Variants in IRS1 observed in about 807,000 individuals in gnomAD.
IRS1 encodes the protein insulin receptor substrate 1.
Under a neutral mutation model 65.6 loss-of-function variants are expected in IRS1, and 34 were observed. The observed-to-expected ratio is 0.52, with a 90% CI of 0.39 to 0.69. The LOEUF (loss-of-function observed/expected upper bound fraction) is 0.69. IRS1 is among the 30% of genes least tolerant of loss of function. The probability of loss-of-function intolerance (pLI) is 0.00; values close to 1 mark genes in which losing one functional copy is unlikely to be tolerated. For synonymous variants in IRS1, 699 were observed against 683.5 expected (o/e 1.02, Z -0.35); for missense variants, 1,641 against 1,720.2 (o/e 0.95, Z 0.81).
chr2:226,762,294 TAGAC>T (rs1287412747), intron 1 of IRS1, among the ~76,000 whole-genome samples: 3 of 147,150 alleles, frequency 2.0e-5, no homozygotes, highest in Admixed American at 1.4e-4. Flanking sequence ...TGACAATTAA[TAGAC>T]AGACAGCTCA....
rs1559159029 is a variant in IRS1, at chr2:226,796,118, GC to G, written c.2620del (p.Ala874ProfsTer69). 2 of 1,613,670 alleles carry G rather than the reference GC, an allele frequency of 1.2e-6. No homozygotes were observed. The highest frequency in any genetic ancestry group is 1.7e-6 in the Non-Finnish European group (2 of 1,180,004). The part of the protein sequence containing the change: ...GDPKASTLPR[A>X]REQQQQQQPL... Reference sequence around the variant, plus strand: ...CTGCTGCTGCTGCTGCTGCTCTCGGGCCCGAGGTAAGGTGCTGGCCTTGGGA... The same window carrying G: ...CTGCTGCTGCTGCTGCTGCTCTCGGGCCGAGGTAAGGTGCTGGCCTTGGGA... On this transcript the variant is annotated frameshift_variant, in exon 1 of 2. Transcript: ENST00000305123. LOFTEE classifies it high-confidence loss of function.
chr2:226,743,762 G>C (rs1938486863), intron 1 of IRS1, among the ~76,000 whole-genome samples: 1 of 152,034 alleles, frequency 6.6e-6, no homozygotes, highest in Admixed American at 6.5e-5. Context: ...GTTTGTAATG[G>C]TCAGATTACA....
intron 1 of IRS1, among the ~76,000 whole-genome samples, chr2:226,744,833 A>T (rs1938505918): frequency 6.6e-6 from 1 of 152,160 alleles, no homozygotes; most frequent in Admixed American, 6.5e-5. Context: ...CATCTTACAG[A>T]AGCAAAAAAG....
Position 226,797,613 on chromosome 2 carries a change from G to A in IRS1, c.1126C>T (p.Pro376Ser). ...GGCGAGCAGCGGGAAGCCGGCATGG[G>A]GATGGAGCGGCTGTGGTTGAGCGGG... ...HPPLNHSRSIPMPASRCSPSA... is the reference protein window; with the variant it reads ...HPPLNHSRSISMPASRCSPSA... The change falls in exon 1 of 2, where the codon CCC becomes TCC. Residue 376 changes from proline (P) to serine (S), a missense_variant. By Grantham distance (74) the Pro-to-Ser change is moderately conservative. Transcript: ENST00000305123. The surrounding 1 kb of genome is among the most constrained non-coding windows in gnomAD (Gnocchi z 8.1). The A allele has an allele frequency of 6.3e-7, 1 of 1,588,744 alleles. No homozygotes were observed. Among genetic ancestry groups the A allele is most frequent in the Non-Finnish European group, 8.5e-7 (1 of 1,171,934 alleles).
chr2:226,743,609 C>T (rs1230061861), intron 1 of IRS1, among the ~76,000 whole-genome samples: 1 of 152,102 alleles, frequency 6.6e-6, no homozygotes. Context: ...CAGAATATTC[C>T]CTACTAAGTG....
rs2106188898 is a variant in IRS1, at chr2:226,799,308, A to T, written c.-570T>A. Reference sequence around the variant, plus strand: ...CCACCCCCCAACCGTCCCAGCCGCCACCAGCCGCCCAAATACCAGCTCAGT... The same window carrying T: ...CCACCCCCCAACCGTCCCAGCCGCCTCCAGCCGCCCAAATACCAGCTCAGT... On this transcript the variant is annotated 5_prime_UTR_variant, in exon 1 of 2. Coordinates refer to ENST00000305123, the MANE Select transcript of IRS1 (RefSeq NM_005544.3). This position sits in a 1 kb window ranked among gnomAD's most constrained non-coding sequence, Gnocchi z 6.1. The T allele has an allele frequency of 8.3e-7, 1 of 1,205,582 alleles. No homozygotes were observed. The highest frequency in any genetic ancestry group is 1.5e-5 in the South Asian group (1 of 67,140). 74.7% of individuals were successfully genotyped at this position (1,205,582 alleles called of 1,614,324 possible). A position where few individuals can be genotyped will look rare whatever the true frequency, so the allele number is the denominator to read the frequency against.
intron 1 of IRS1, among the ~76,000 whole-genome samples, chr2:226,748,293 G>A (rs1036414850): frequency 6.6e-6 from 1 of 151,700 alleles, no homozygotes; most frequent in African/African-American, 2.4e-5. Flanking sequence ...GTCAGGCATG[G>A]TGGTGCACAT....
At chr2:226,768,835 C>T (rs1939107339) in intron 1 of IRS1, among the ~76,000 whole-genome samples, 1 of 152,150 alleles carries the variant, frequency 6.6e-6, no homozygotes, top group Non-Finnish European at 1.5e-5. Flanking sequence ...CAGGGTTTCA[C>T]CATGTTGGTC....
At position 226,731,814 on chromosome 2, in the gene IRS1, G is replaced by A. The variant is rs1163792309; in HGVS notation, c.*4458C>T. ...ATTGTTTTGGGAACTACATTCTTAA[G>A]CCAATGGTGAAGTTCTAAAAAGAAA... On this transcript the variant is annotated 3_prime_UTR_variant, in exon 2 of 2. Coordinates refer to ENST00000305123, the MANE Select transcript of IRS1 (RefSeq NM_005544.3). 3 of 151,856 alleles carry A rather than the reference G, an allele frequency of 2.0e-5. No individual in the cohort carries two copies. Among genetic ancestry groups the A allele is most frequent in the Non-Finnish European group, 2.9e-5 (2 of 67,990 alleles). 9.4% of individuals were successfully genotyped at this position (151,856 alleles called of 1,614,324 possible).
chr2:226,791,375 G>C (rs868232529), intron 1 of IRS1, among the ~76,000 whole-genome samples: 2 of 152,146 alleles, frequency 1.3e-5, no homozygotes, highest in Non-Finnish European at 2.9e-5. Flanking sequence ...AAAGAGAGAA[G>C]GGAAACAAAA....
rs1251410242 is a variant in IRS1 at position 226,798,589 on chromosome 2, C to G, written c.150G>C (p.Glu50Asp). Residue 50 changes from glutamate to aspartate, a missense_variant, in exon 1 of 2, where the codon GAG (glutamate) becomes GAC (aspartate). Around this residue, in one of 3 missense-constraint regions of IRS1, gnomAD observed 240 missense variants for 229.6 expected, o/e 1.05. Transcript: ENST00000305123. This position sits in a 1 kb window ranked among gnomAD's most constrained non-coding sequence, Gnocchi z 9.4. ...GPARLEYYEN[E>D]KKWRHKSSAP... The stretch of plus-strand genomic sequence containing the variant: ...CGCTCGACTTGTGCCGCCACTTCTT[C>G]TCGTTCTCGTAGTACTCGAGGCGCG... 6.2e-7 allele frequency: 1 copy of G among 1,613,888 alleles called. No individual in the cohort carries two copies. Among genetic ancestry groups the G allele is most frequent in the Admixed American group, 1.7e-5 (1 of 60,034 alleles).
chr2:226,777,404 G>C (rs973796371), intron 1 of IRS1, among the ~76,000 whole-genome samples: 1 of 152,136 alleles, frequency 6.6e-6, no homozygotes, highest in South Asian at 2.1e-4. Context: ...GTTTTCCAAA[G>C]GATTTTCAAA....
intron 1 of IRS1, among the ~76,000 whole-genome samples, chr2:226,789,240 C>T (rs1939545275): frequency 6.6e-6 from 1 of 152,114 alleles, no homozygotes; most frequent in Non-Finnish European, 1.5e-5. Flanking sequence ...AGCATAAGTC[C>T]GTGGAGTTTC....
At position 226,731,728 on chromosome 2, in the gene IRS1, T is replaced by A. The variant is rs1186700448; in HGVS notation, c.*4544A>T. On this transcript the variant is annotated 3_prime_UTR_variant, in exon 2 of 2. Coordinates refer to ENST00000305123, the MANE Select transcript of IRS1 (RefSeq NM_005544.3). ...CACATACATTAAATGAAAATACATA[T>A]ATGTTTAATTTGGCCCACCCTGTAG... 6.6e-6 allele frequency: 1 copy of A among 152,094 alleles called. No homozygotes were observed. Among genetic ancestry groups the A allele is most frequent in the South Asian group, 2.1e-4 (1 of 4,818 alleles). The allele number at this position is 152,094 out of a possible 1,614,324, so 9.4% of individuals were successfully genotyped here.
chr2:226,757,814 C>A (rs1938836003), intron 1 of IRS1, among the ~76,000 whole-genome samples: 2 of 152,258 alleles, frequency 1.3e-5, no homozygotes, highest in Admixed American at 1.3e-4. Context: ...ATTCACAAAG[C>A]ATTCTGATAA....
chr2:226,756,675 T>C (rs1289609463), intron 1 of IRS1, among the ~76,000 whole-genome samples: 2 of 152,136 alleles, frequency 1.3e-5, no homozygotes, highest in Non-Finnish European at 2.9e-5. Flanking sequence ...TAAAATACAA[T>C]GGCTCTGGCT....
chr2:226,755,920 A>G (rs1938787582), intron 1 of IRS1, among the ~76,000 whole-genome samples: 1 of 152,258 alleles, frequency 6.6e-6, no homozygotes. Context: ...GGAGAGAAGC[A>G]CGGATGAGCC....
chr2:226,791,845 G>T (rs1449248021), intron 1 of IRS1, among the ~76,000 whole-genome samples: 1 of 152,216 alleles, frequency 6.6e-6, no homozygotes, highest in East Asian at 1.9e-4. Flanking sequence ...GGGCCCCACC[G>T]CCCTGGATGA....
chr2:226,777,685 GAT>G (rs975562103), intron 1 of IRS1, among the ~76,000 whole-genome samples: 1 of 152,138 alleles, frequency 6.6e-6, no homozygotes, highest in Non-Finnish European at 1.5e-5. Context: ...CATGTGATCT[GAT>G]AGTTTTAAAA....
Sources: allele counts gnomAD v4.1 joint callset (sites outside exome capture counted in the v4.1 genomes callset), GRCh38; gene constraint gnomAD v4.1.1; regional missense constraint gnomAD v4.1.1; non-coding constraint Gnocchi (gnomAD v3.1); transcripts MANE v1.5; gene names NCBI Gene and HGNC (gene_info 2026-07-23, HGNC 2026-07-21).